BCL7A: variants seen among roughly 807,000 people sequenced by gnomAD.
BCL7A encodes B-cell CLL/lymphoma 7 protein family member A.
Under a neutral mutation model 28.4 loss-of-function variants are expected in BCL7A, and 11 were observed. That is an observed-to-expected ratio of 0.39 (90% CI 0.24 to 0.64). The LOEUF (loss-of-function observed/expected upper bound fraction) is 0.64. Ranked by LOEUF, BCL7A falls within the 30% of genes least tolerant of loss-of-function variation. The pLI, the probability that BCL7A is intolerant of heterozygous loss-of-function variation, is 0.50. For missense variants in BCL7A, 222 were observed against 274.8 expected (o/e 0.81, Z 1.36); for synonymous variants, 123 against 103.3 (o/e 1.19, Z -1.15).
At chr12:122,051,032 G>A (rs911357756) in intron 4 of BCL7A, among the ~76,000 whole-genome samples, 15 of 152,206 alleles carry the variant, frequency 9.9e-5, no homozygotes, top group Admixed American at 4.6e-4. Context: ...CTTTCTGGCC[G>A]TGGCCTTGTT....
intron 1 of BCL7A, among the ~76,000 whole-genome samples, chr12:122,023,695 T>G: frequency 6.6e-6 from 1 of 152,236 alleles, no homozygotes; most frequent in South Asian, 2.1e-4. Context: ...GCTCCCCTGG[T>G]ACACAGGGTG....
At chr12:122,054,528 T>G (rs967572718) in intron 4 of BCL7A, among the ~76,000 whole-genome samples, 94 of 152,314 alleles carry the variant, frequency 6.2e-4, no homozygotes, top group African/African-American at 2.1e-3. Context: ...GCACAGAGAC[T>G]GCAGCCTCCT....
intron 2 of BCL7A, among the ~76,000 whole-genome samples, chr12:122,032,886 G>A (rs1395967888): frequency 6.6e-6 from 1 of 152,144 alleles, no homozygotes; most frequent in Non-Finnish European, 1.5e-5. Context: ...TTCTCGGCCT[G>A]GCTGAGCACC....
chr12:122,049,254 G>T, intron 4 of BCL7A, among the ~76,000 whole-genome samples: 1 of 145,824 alleles, frequency 6.9e-6, no homozygotes, highest in African/African-American at 2.5e-5. Context: ...AGAAGAAAAA[G>T]AAGAAGAAAG....
intron 3 of BCL7A, among the ~76,000 whole-genome samples, chr12:122,039,398 A>T (rs1883922584): frequency 6.8e-6 from 1 of 148,066 alleles, no homozygotes. Flanking sequence ...GAGGCTGAGG[A>T]TCATTTGAAC....
chr12:122,050,441 T>C (rs1307928094), intron 4 of BCL7A, among the ~76,000 whole-genome samples: 2 of 152,196 alleles, frequency 1.3e-5, no homozygotes, highest in African/African-American at 4.8e-5. Context: ...CCCTAGCGGC[T>C]TTGCCATAGC....
intron 3 of BCL7A, among the ~76,000 whole-genome samples, chr12:122,042,818 A>G (rs892597047): frequency 3.9e-5 from 6 of 152,202 alleles, no homozygotes; most frequent in African/African-American, 9.7e-5. Flanking sequence ...CCACTGTCCC[A>G]TGATCACTTC....
Position 122,021,993 on chromosome 12 carries a change from C to T in BCL7A, c.-99C>T, listed in dbSNP as rs1883469070. On this transcript the variant is annotated 5_prime_UTR_variant, in exon 1 of 6. Transcript: ENST00000261822. ...GTGTGAGAGTGCGAGTGTCTGTGCG[C>T]GAGTGAGTGAGCGGCGGGCGGGCGC... The T allele has an allele frequency of 1.1e-6, 1 of 928,072 alleles. No homozygotes were observed. The highest frequency in any genetic ancestry group is 1.6e-6 in the Non-Finnish European group (1 of 614,094). 57.5% of individuals were successfully genotyped at this position (928,072 alleles called of 1,614,324 possible).
intron 4 of BCL7A, among the ~76,000 whole-genome samples, chr12:122,045,867 T>A (rs897565651): frequency 2.0e-5 from 3 of 151,658 alleles, no homozygotes; most frequent in Non-Finnish European, 4.4e-5. Flanking sequence ...GGCAGGAGGA[T>A]CTTTTGAGCC....
At chr12:122,036,878 T>C (rs569507251) in intron 3 of BCL7A, among the ~76,000 whole-genome samples, 3 of 152,134 alleles carry the variant, frequency 2.0e-5, no homozygotes, top group Non-Finnish European at 4.4e-5. Context: ...TGGCTAATTT[T>C]TTTGTATTTT....
At chr12:122,038,456 A>G (rs1214998259) in intron 3 of BCL7A, among the ~76,000 whole-genome samples, 1 of 151,326 alleles carries the variant, frequency 6.6e-6, no homozygotes, top group Non-Finnish European at 1.5e-5. Flanking sequence ...AAAAAAAAAA[A>G]AAAGAGCAGT....
At chr12:122,047,529 A>AAAAAAAAG (rs1209306779) in intron 4 of BCL7A, among the ~76,000 whole-genome samples, 2 of 151,704 alleles carry the variant, frequency 1.3e-5, no homozygotes, top group Non-Finnish European at 2.9e-5. Context: ...GTCTCAGAAA[A>AAAAAAAAG]AAAAAAAGAA....
At chr12:122,048,491 C>T (rs1216367145) in intron 4 of BCL7A, among the ~76,000 whole-genome samples, 1 of 152,154 alleles carries the variant, frequency 6.6e-6, no homozygotes, top group Non-Finnish European at 1.5e-5. Flanking sequence ...TGGCTCATGG[C>T]TGTAATCCTA....
At chr12:122,025,259 A>G (rs1883595375) in intron 1 of BCL7A, among the ~76,000 whole-genome samples, 1 of 151,928 alleles carries the variant, frequency 6.6e-6, no homozygotes, top group African/African-American at 2.4e-5. Flanking sequence ...GAGCTTTGGG[A>G]GGCTGAGACA....
chr12:122,022,768 G>A (rs1883496377), intron 1 of BCL7A, among the ~76,000 whole-genome samples: 2 of 151,304 alleles, frequency 1.3e-5, no homozygotes, highest in Admixed American at 6.6e-5. Flanking sequence ...CAGAGCGCGA[G>A]CCGTTTAAAT....
At chr12:122,039,062 C>A (rs908561234) in intron 3 of BCL7A, among the ~76,000 whole-genome samples, 2 of 152,020 alleles carry the variant, frequency 1.3e-5, no homozygotes, top group Middle Eastern at 3.4e-3. Context: ...TCTGGGAGGC[C>A]AAGGCGGGCA....
In BCL7A at chr12:122,043,985, C is replaced by T; in HGVS notation, c.371C>T (p.Pro124Leu). 1 of 1,613,956 alleles carries T rather than the reference C, an allele frequency of 6.2e-7. No individual in the cohort carries two copies. The highest frequency in any genetic ancestry group is 8.5e-7 in the Non-Finnish European group (1 of 1,179,998). ...GCTCCAGAGCCCAACTCGGCTGTGC[C>T]CAGCGACGGCACCGAGGCCAAGGTG... is the stretch of plus-strand genomic sequence containing the variant. ...SPAPEPNSAV[P>L]SDGTEAKVDE... Residue 124 changes from proline (P) to leucine (L), a missense_variant, in exon 4 of 6, where the codon CCC becomes CTC. Physicochemically the swap from Pro to Leu is moderately conservative, Grantham distance 98. This residue lies in a region of BCL7A where 155 missense variants were observed against 145.7 expected (regional missense o/e 1.06). Coordinates refer to ENST00000261822, the MANE Select transcript of BCL7A (RefSeq NM_001024808.3).
chr12:122,022,560 C>T (rs1883489583), intron 1 of BCL7A, among the ~76,000 whole-genome samples: 2 of 145,492 alleles, frequency 1.4e-5, no homozygotes, highest in Non-Finnish European at 3.1e-5. Context: ...ATGAAAGCGG[C>T]TTCCCGCGCG....
In BCL7A at chr12:122,043,926, C is replaced by T. The variant is rs764719337; in HGVS notation, c.312C>T (p.Pro104=). 2 of 1,613,970 alleles carry T rather than the reference C, an allele frequency of 1.2e-6. No homozygotes were observed. The highest frequency in any genetic ancestry group is 1.7e-6 in the Non-Finnish European group (2 of 1,179,996). ...SNQSSIADAS[P]IKQENSSNSS... is the part of the protein sequence containing the mutation. ...AGAGCTCCATCGCAGATGCCTCCCCCATCAAACAGGAGAACAGCAGCAACT... is the reference window on the plus strand; with the variant it reads ...AGAGCTCCATCGCAGATGCCTCCCCTATCAAACAGGAGAACAGCAGCAACT... The change falls in exon 4 of 6, where the codon CCC becomes CCT. Residue 104 remains proline, a synonymous_variant. Coordinates refer to ENST00000261822, the MANE Select transcript of BCL7A (RefSeq NM_001024808.3).
Sources: allele counts gnomAD v4.1 joint callset (sites outside exome capture counted in the v4.1 genomes callset), GRCh38; gene constraint gnomAD v4.1.1; regional missense constraint gnomAD v4.1.1; transcripts MANE v1.5; gene names NCBI Gene and HGNC (gene_info 2026-07-23, HGNC 2026-07-21).